ZC3H12B: variants seen among roughly 807,000 people sequenced by gnomAD.
ZC3H12B encodes probable ribonuclease ZC3H12B.
In ZC3H12B, 7 loss-of-function variants were observed where a neutral mutation model predicts 43.9. The ratio of observed to expected loss-of-function variants is 0.16; its 90% CI spans 0.09 to 0.30. The LOEUF (loss-of-function observed/expected upper bound fraction) is 0.30, where lower values mean the gene tolerates loss of function less well. Ranked by LOEUF, ZC3H12B falls within the 10% of genes least tolerant of loss-of-function variation. ZC3H12B has a pLI of 1.00. For missense variants in ZC3H12B, 475 were observed against 670.2 expected (o/e 0.71, Z 3.22); for synonymous variants, 222 against 241.7 (o/e 0.92, Z 0.76).
chrX:65,419,501 A>G (rs578251991), intron 3 of ZC3H12B, among the ~76,000 whole-genome samples: 1 of 111,863 alleles, frequency 8.9e-6, no homozygotes, highest in East Asian at 2.8e-4. Context: ...GGGAGTGCAT[A>G]GAAATAATAA....
intron 2 of ZC3H12B, among the ~76,000 whole-genome samples, chrX:65,387,875 G>T (rs192391219): frequency 4.3e-4 from 48 of 112,337 alleles, no homozygotes; most frequent in Non-Finnish European, 1.3e-4. Flanking sequence ...GTCTGTAAAG[G>T]ATTTTATTTC....
the ZC3H12B span, among the ~76,000 whole-genome samples, chrX:65,330,455 G>T: frequency 1.8e-5 from 2 of 111,199 alleles, no homozygotes; most frequent in Non-Finnish European, 3.8e-5. Context: ...AATAGGAGTG[G>T]TGAGAGAGTG....
At chrX:65,251,362 C>G in the ZC3H12B span, among the ~76,000 whole-genome samples, 1 of 111,477 alleles carries the variant, frequency 9.0e-6, no homozygotes, top group Non-Finnish European at 1.9e-5. Flanking sequence ...AGTTTGAAAT[C>G]AGGTAGCGTG....
At chrX:65,084,990 T>A in the ZC3H12B span, among the ~76,000 whole-genome samples, 4 of 112,003 alleles carry the variant, frequency 3.6e-5, no homozygotes, top group Non-Finnish European at 5.6e-5. Context: ...TTATGTTAAA[T>A]GAAATAAGCC....
chrX:65,377,819 G>T (rs775389783), intron 2 of ZC3H12B, among the ~76,000 whole-genome samples: 3 of 111,458 alleles, frequency 2.7e-5, no homozygotes, highest in Admixed American at 9.6e-5. Context: ...TCATCTGGAG[G>T]TCAGTCACAG....
intron 2 of ZC3H12B, among the ~76,000 whole-genome samples, chrX:65,396,383 T>C (rs978529991): frequency 8.0e-5 from 9 of 112,014 alleles, no homozygotes; most frequent in Non-Finnish European, 1.5e-4. Context: ...ACGTTGTGTC[T>C]TCATTCTCAT....
chrX:65,492,786 C>G (rs1393790333), intron 1 of ZC3H12B, among the ~76,000 whole-genome samples: 3 of 111,687 alleles, frequency 2.7e-5, no homozygotes, highest in Non-Finnish European at 5.6e-5. Flanking sequence ...GTTTCTCAGC[C>G]TGTTGGATTA....
At chrX:65,416,724 G>A (rs1214203987) in intron 3 of ZC3H12B, among the ~76,000 whole-genome samples, 6 of 108,086 alleles carry the variant, frequency 5.6e-5, no homozygotes, top group African/African-American at 1.7e-4. Flanking sequence ...GGAAGGCGGA[G>A]CTTGCAGTGA....
the ZC3H12B span, among the ~76,000 whole-genome samples, chrX:65,090,591 G>A: frequency 2.7e-4 from 30 of 111,349 alleles, no homozygotes; most frequent in Non-Finnish European, 5.3e-4. Flanking sequence ...TATACCTTGT[G>A]GTTGGCTCCA....
exon 4 of ZC3H12B, chrX:65,499,988 T>C (rs2068342841): frequency 8.5e-7 from 1 of 1,182,012 alleles, no homozygotes; most frequent in Admixed American, 2.2e-5. Context: ...CATGTCCTTA[T>C]GGTGAGTACC....
the ZC3H12B span, among the ~76,000 whole-genome samples, chrX:65,263,292 G>T: frequency 9.0e-6 from 1 of 110,846 alleles, no homozygotes. Context: ...GCTTTGATAG[G>T]TATCTTTTTA....
chrX:65,219,809 TAC>T, the ZC3H12B span, among the ~76,000 whole-genome samples: 9,313 of 76,334 alleles, frequency 0.12, 341 homozygotes, highest in South Asian at 0.17. Context: ...TACACACACA[TAC>T]ACACACACAC....
chrX:65,077,861 G>C, the ZC3H12B span, among the ~76,000 whole-genome samples: 1 of 111,902 alleles, frequency 8.9e-6, no homozygotes, highest in East Asian at 2.8e-4. Flanking sequence ...CACATCTTTA[G>C]GTTGCTAACT....
the ZC3H12B span, among the ~76,000 whole-genome samples, chrX:65,131,344 G>A: frequency 1.8e-5 from 2 of 111,624 alleles, no homozygotes; most frequent in African/African-American, 6.5e-5. Context: ...ATGCCAGGTG[G>A]ATCAGAAAGA....
chrX:65,267,321 A>C, the ZC3H12B span, among the ~76,000 whole-genome samples: 1 of 109,726 alleles, frequency 9.1e-6, no homozygotes, highest in African/African-American at 3.3e-5. Context: ...GAATTTACAA[A>C]CTTAGTTTAG....
At chrX:65,241,256 T>C in the ZC3H12B span, among the ~76,000 whole-genome samples, 1 of 112,393 alleles carries the variant, frequency 8.9e-6, no homozygotes, top group African/African-American at 3.2e-5. Flanking sequence ...CTGGAGTTGC[T>C]GAAATTCCCA....
At chrX:65,188,260 C>A in the ZC3H12B span, among the ~76,000 whole-genome samples, 2 of 111,033 alleles carry the variant, frequency 1.8e-5, no homozygotes, top group African/African-American at 3.3e-5. Flanking sequence ...AATAGTGTTG[C>A]AATAAACACA....
At chrX:65,174,622 C>T in the ZC3H12B span, among the ~76,000 whole-genome samples, 6 of 111,860 alleles carry the variant, frequency 5.4e-5, no homozygotes, top group East Asian at 2.8e-4. Flanking sequence ...CCGCTTGCTG[C>T]GCTGTGGTGA....
At chrX:65,419,218 C>T (rs2066992170) in intron 3 of ZC3H12B, among the ~76,000 whole-genome samples, 1 of 111,812 alleles carries the variant, frequency 8.9e-6, no homozygotes, top group African/African-American at 3.3e-5. Context: ...GGAATGAGGC[C>T]TAAATGGAAG....
Sources: allele counts gnomAD v4.1 joint callset (sites outside exome capture counted in the v4.1 genomes callset), GRCh38; gene constraint gnomAD v4.1.1; transcripts MANE v1.5; gene names NCBI Gene and HGNC (gene_info 2026-07-23, HGNC 2026-07-21).